Variants in PIEZO2 observed in about 807,000 individuals in gnomAD.
PIEZO2 encodes piezo type mechanosensitive ion channel component 2.
In PIEZO2, 172 loss-of-function variants were observed where a neutral mutation model predicts 337.3. The observed-to-expected ratio is 0.51, with a 90% CI of 0.45 to 0.58. The LOEUF is 0.58. Among genes scored for constraint, PIEZO2 ranks in the 20% least tolerant of loss-of-function variants. PIEZO2 has a pLI of 0.00. For synonymous variants in PIEZO2, 1,251 were observed against 1,228.5 expected, an observed-to-expected ratio of 1.02 and a Z score of -0.38; for missense variants, 3,028 against 3,391.3, an observed-to-expected ratio of 0.89 and a Z score of 2.66.
intron 2 of PIEZO2, among the ~76,000 whole-genome samples, chr18:11,042,482 A>G (rs1434716735): frequency 6.6e-6 from 1 of 152,262 alleles, no homozygotes; most frequent in Non-Finnish European, 1.5e-5. Flanking sequence ...GTGAATGAAT[A>G]AACATCACCA....
At position 10,727,090 on chromosome 18, in the gene PIEZO2, A is replaced by G. The variant is rs1385327114; in HGVS notation, c.5029+4317T>C. The G allele has an allele frequency of 3.9e-6, 2 of 510,074 alleles. No homozygotes were observed. Among genetic ancestry groups the G allele is most frequent in the Non-Finnish European group, 6.8e-6 (2 of 294,176 alleles). 31.6% of individuals were successfully genotyped at this position (510,074 alleles called of 1,614,324 possible). On this transcript the variant is annotated intron_variant, in intron 36 of 55. Coordinates refer to ENST00000674853, the MANE Select transcript of PIEZO2 (RefSeq NM_001378183.1). This position sits in a 1 kb window ranked among gnomAD's most constrained non-coding sequence, Gnocchi z 6.3. Reference sequence around the variant, plus strand: ...GCATTCCTTGAGAAGGAGTGGCAACATCAAAGGGTTTGTGTCCCTTGCTAG... The same window carrying G: ...GCATTCCTTGAGAAGGAGTGGCAACGTCAAAGGGTTTGTGTCCCTTGCTAG...
At chr18:11,063,685 CAG>C (rs1325049439) in intron 2 of PIEZO2, among the ~76,000 whole-genome samples, 3 of 152,212 alleles carry the variant, frequency 2.0e-5, no homozygotes, top group Non-Finnish European at 2.9e-5. Flanking sequence ...GGTGGCCTAA[CAG>C]GCTCCTAAGG....
chr18:10,829,268 T>TAA (rs200409403), intron 7 of PIEZO2, among the ~76,000 whole-genome samples: 2 of 142,930 alleles, frequency 1.4e-5, no homozygotes, highest in African/African-American at 2.6e-5. Flanking sequence ...CCAAAAACCC[T>TAA]AAAAAAAAAA....
In PIEZO2 at chr18:11,125,088, A is replaced by T. The variant is rs571077741; in HGVS notation, c.64+23437T>A. Among the ~76,000 whole-genome samples the T allele has an allele frequency of 6.6e-6, 1 of 152,062 alleles. No individual in the cohort carries two copies. Among genetic ancestry groups the T allele is most frequent in the South Asian group, 2.1e-4 (1 of 4,814 alleles). On this transcript the variant is annotated intron_variant, in intron 1 of 55. Coordinates refer to ENST00000674853, the MANE Select transcript of PIEZO2 (RefSeq NM_001378183.1). This position sits in a 1 kb window ranked among gnomAD's most constrained non-coding sequence, Gnocchi z 4.4. Reference sequence around the variant, plus strand: ...AAACCTTTCCTCCTTTCATTTCTTCACATGTAAAATCTAGAGTCATACCCA... The same window carrying T: ...AAACCTTTCCTCCTTTCATTTCTTCTCATGTAAAATCTAGAGTCATACCCA...
Position 10,771,582 on chromosome 18 carries a change from T to C in PIEZO2, c.2786-1274A>G, listed in dbSNP as rs75250946. Among the ~76,000 whole-genome samples the C allele has an allele frequency of 9.6e-3, 1,457 of 152,374 alleles. 10 individuals carry two copies. Among genetic ancestry groups the C allele is most frequent in the Middle Eastern group, 0.031 (9 of 294 alleles). ...TGGCTTGGGTATATGCAACAGTTAC[T>C]GTGCCTGGTTCTGAAAGCTAAGTAA... On this transcript the variant is annotated intron_variant, in intron 20 of 55. Coordinates refer to ENST00000674853, the MANE Select transcript of PIEZO2 (RefSeq NM_001378183.1).
chr18:11,032,869 T>C lies in PIEZO2; in HGVS notation c.160+33258A>G, dbSNP rs926120192. ...GCCCACCCTAAGCATGTAACAGGCC[T>C]AATGAATGGAGTATCTGAGTAGCTC... On this transcript the variant is annotated intron_variant, in intron 2 of 55. Coordinates refer to ENST00000674853, the MANE Select transcript of PIEZO2 (RefSeq NM_001378183.1). The surrounding 1 kb of genome is among the most constrained non-coding windows in gnomAD (Gnocchi z 4.9). Among the ~76,000 whole-genome samples the C allele has an allele frequency of 1.3e-5, 2 of 152,206 alleles. No individual in the cohort carries two copies. The highest frequency in any genetic ancestry group is 4.8e-5 in the African/African-American group (2 of 41,458).
chr18:10,923,569 A>G (rs2031552096), intron 3 of PIEZO2, among the ~76,000 whole-genome samples: 1 of 152,248 alleles, frequency 6.6e-6, no homozygotes, highest in Non-Finnish European at 1.5e-5. Flanking sequence ...CTTAAATGCC[A>G]CAACATCTTT....
intron 2 of PIEZO2, among the ~76,000 whole-genome samples, chr18:11,019,799 C>T (rs1215080339): frequency 1.3e-5 from 2 of 152,208 alleles, no homozygotes; most frequent in Non-Finnish European, 2.9e-5. Context: ...TATACTCTAT[C>T]TCATCATCTT....
rs1430886577 is a variant in PIEZO2 at position 10,707,334 on chromosome 18, A to C, written c.5588+941T>G. Reference sequence around the variant, plus strand: ...GTGGAGGGTACCTTCAGAGGTCAAGAAAATGGACTGGCATGGCAGGCACAT... The same window carrying C: ...GTGGAGGGTACCTTCAGAGGTCAAGCAAATGGACTGGCATGGCAGGCACAT... On this transcript the variant is annotated intron_variant, in intron 40 of 55. Transcript: ENST00000674853. The surrounding 1 kb of genome is among the most constrained non-coding windows in gnomAD (Gnocchi z 4.2). Among the ~76,000 whole-genome samples the C allele has an allele frequency of 6.6e-6, 1 of 152,092 alleles. No individual in the cohort carries two copies. Among genetic ancestry groups the C allele is most frequent in the African/African-American group, 2.4e-5 (1 of 41,402 alleles).
chr18:10,898,997 C>T (rs1254122257), intron 4 of PIEZO2, among the ~76,000 whole-genome samples: 1 of 152,150 alleles, frequency 6.6e-6, no homozygotes, highest in Non-Finnish European at 1.5e-5. Context: ...CCAAGAAAGG[C>T]AGGGAGGCAG....
intron 39 of PIEZO2, among the ~76,000 whole-genome samples, chr18:10,712,712 C>T (rs1271480390): frequency 1.3e-5 from 2 of 152,102 alleles, no homozygotes; most frequent in Admixed American, 6.5e-5. Context: ...CTAATGGTTT[C>T]AGAAATTAAT....
At chr18:10,688,860 T>A (rs2034670340) in intron 49 of PIEZO2, among the ~76,000 whole-genome samples, 2 of 152,148 alleles carry the variant, frequency 1.3e-5, no homozygotes, top group Admixed American at 6.5e-5. Context: ...TCCTGTCAAC[T>A]CCTCTGCTCC....
chr18:11,114,698 C>T (rs1233652664), intron 1 of PIEZO2, among the ~76,000 whole-genome samples: 1 of 151,598 alleles, frequency 6.6e-6, no homozygotes, highest in African/African-American at 2.4e-5. Context: ...GGGTGCTTTT[C>T]CCCCCACATA....
intron 2 of PIEZO2, among the ~76,000 whole-genome samples, chr18:11,065,495 G>A (rs1422302424): frequency 2.0e-5 from 3 of 152,186 alleles, no homozygotes; most frequent in Non-Finnish European, 4.4e-5. Flanking sequence ...CCTAATTAGA[G>A]CCTCAGAAAT....
chr18:10,921,323 C>T (rs1266289472), intron 3 of PIEZO2, among the ~76,000 whole-genome samples: 1 of 152,072 alleles, frequency 6.6e-6, no homozygotes, highest in Non-Finnish European at 1.5e-5. Flanking sequence ...AACAGAGGGA[C>T]CGGCTGAAGC....
intron 3 of PIEZO2, among the ~76,000 whole-genome samples, chr18:10,926,515 A>G (rs925539707): frequency 6.6e-6 from 1 of 152,162 alleles, no homozygotes; most frequent in Non-Finnish European, 1.5e-5. Context: ...CAATAAATCA[A>G]CTACAGAAAA....
At position 11,021,664 on chromosome 18, in the gene PIEZO2, C is replaced by T. The variant is rs2036317849; in HGVS notation, c.161-42004G>A. On this transcript the variant is annotated intron_variant, in intron 2 of 55. Coordinates refer to ENST00000674853, the MANE Select transcript of PIEZO2 (RefSeq NM_001378183.1). This position sits in a 1 kb window ranked among gnomAD's most constrained non-coding sequence, Gnocchi z 4.7. ...CTGGTGATCCAGCACACAGCTCGTG[C>T]TGTAACTGCACTGATGGAATGAATG... 1.3e-5 allele frequency among the ~76,000 whole-genome samples: 2 copies of T among 152,222 alleles called. No homozygotes were observed.
intron 2 of PIEZO2, among the ~76,000 whole-genome samples, chr18:11,025,792 C>A (rs1417335433): frequency 6.6e-6 from 1 of 152,188 alleles, no homozygotes; most frequent in South Asian, 2.1e-4. Flanking sequence ...TCATCATTTT[C>A]TCTCCTGGTT....
At position 11,125,333 on chromosome 18, in the gene PIEZO2, C is replaced by T. The variant is rs1844803519; in HGVS notation, c.64+23192G>A. 6.6e-6 allele frequency among the ~76,000 whole-genome samples: 1 copy of T among 152,208 alleles called. No homozygotes were observed. The highest frequency in any genetic ancestry group is 1.5e-5 in the Non-Finnish European group (1 of 68,038). ...CCGACAAAAGACAGTGCTGTTAAGT[C>T]ATCAGCATTGTTACAACACTTACAA... On this transcript the variant is annotated intron_variant, in intron 1 of 55. Transcript: ENST00000674853. The surrounding 1 kb of genome is among the most constrained non-coding windows in gnomAD (Gnocchi z 4.4).
Sources: allele counts gnomAD v4.1 joint callset (sites outside exome capture counted in the v4.1 genomes callset), GRCh38; gene constraint gnomAD v4.1.1; non-coding constraint Gnocchi (gnomAD v3.1); transcripts MANE v1.5; gene names NCBI Gene and HGNC (gene_info 2026-07-23, HGNC 2026-07-21).